ZNF30: variants seen among roughly 807,000 people sequenced by gnomAD.
ZNF30 encodes the protein zinc finger protein 30.
ZNF30 carries 15 observed loss-of-function variants against 13.2 expected under a neutral mutation model. The ratio of observed to expected loss-of-function variants is 1.13; its 90% CI spans 0.76 to 1.75. The LOEUF (loss-of-function observed/expected upper bound fraction) is 1.75, where lower values mean the gene tolerates loss of function less well. Ranked by LOEUF, ZNF30 falls within the 40% of genes most tolerant of loss-of-function variation. The pLI is 0.00. For synonymous variants in ZNF30, 223 were observed against 256.6 expected (o/e 0.87, Z 1.25); for missense variants, 726 against 757.0 (o/e 0.96, Z 0.48).
chr19:34,934,381 A>G (rs1342455684), intron 4 of ZNF30, among the ~76,000 whole-genome samples: 2 of 152,044 alleles, frequency 1.3e-5, no homozygotes, highest in East Asian at 3.9e-4. Flanking sequence ...TTCCTGCCTC[A>G]GCCTCCTGAG....
At position 34,943,728 on chromosome 19, in the gene ZNF30, C is replaced by T. The variant is rs1468643134; in HGVS notation, c.762C>T (p.His254=). 4.3e-6 allele frequency: 7 copies of T among 1,613,634 alleles called. No individual in the cohort carries two copies. The highest frequency in any genetic ancestry group is 5.9e-6 in the Non-Finnish European group (7 of 1,179,796). The change falls in exon 5 of 5, where the codon CAC becomes CAT. Residue 254 remains histidine, a synonymous_variant. Coordinates refer to ENST00000601142, the MANE Select transcript of ZNF30 (RefSeq NM_194325.3). ...AGCTTACCCGGCATCAGAGTACTCA[C>T]ACTGGTGAAAAACCCTTTGGGTGTG... ...YGKLTRHQST[H]TGEKPFGCEE...
In ZNF30 at chr19:34,944,748, A is replaced by G. The variant is rs1568547519; in HGVS notation, c.1782A>G (p.Lys594=). 1 of 1,613,940 alleles carries G rather than the reference A, an allele frequency of 6.2e-7. No individual in the cohort carries two copies. ...TEHQRVHTGE[K]PFKCKKCGKT... Reference sequence around the variant, plus strand: ...ATCAGCGGGTACACACTGGTGAGAAACCCTTTAAATGCAAAAAATGTGGGA... The same window carrying G: ...ATCAGCGGGTACACACTGGTGAGAAGCCCTTTAAATGCAAAAAATGTGGGA... Residue 594 remains lysine, a synonymous_variant, in exon 5 of 5, where the codon AAA becomes AAG. Transcript: ENST00000601142.
chr19:34,930,567 C>T (rs1025762113), intron 2 of ZNF30, among the ~76,000 whole-genome samples: 1 of 152,126 alleles, frequency 6.6e-6, no homozygotes, highest in African/African-American at 2.4e-5. Flanking sequence ...AACTCAAGAA[C>T]AGCCAAATGG....
At chr19:34,936,151 A>G (rs2012727135) in intron 4 of ZNF30, among the ~76,000 whole-genome samples, 1 of 152,198 alleles carries the variant, frequency 6.6e-6, no homozygotes, top group African/African-American at 2.4e-5. Flanking sequence ...GTGGGGACAC[A>G]GCCAAACCCT....
intron 1 of ZNF30, 129 bp from the exon 2 acceptor site, chr19:34,929,755 T>C: frequency 1.9e-6 from 1 of 536,772 alleles, no homozygotes; most frequent in Non-Finnish European, 3.3e-6. Flanking sequence ...TGAATTCCAC[T>C]GTTCTCCAAA....
chr19:34,929,829 A>T, intron 1 of ZNF30, 55 bp from the exon 2 acceptor site: 1 of 897,896 alleles, frequency 1.1e-6, no homozygotes, highest in Non-Finnish European at 1.7e-6. Context: ...AAGGTTTATT[A>T]ATGTATGTCA....
At chr19:34,938,066 G>A (rs2012836775) in intron 4 of ZNF30, among the ~76,000 whole-genome samples, 1 of 152,110 alleles carries the variant, frequency 6.6e-6, no homozygotes, top group South Asian at 2.1e-4. Context: ...AAAGTGCTGG[G>A]ATTACAGGTG....
At chr19:34,928,732 C>G (rs2012268165) in intron 1 of ZNF30, among the ~76,000 whole-genome samples, 1 of 152,016 alleles carries the variant, frequency 6.6e-6, no homozygotes, top group Non-Finnish European at 1.5e-5. Context: ...ACTTGGGAGG[C>G]TCCCAGGAGG....
chr19:34,925,089 C>G (rs1250738822), upstream of ZNF30, among the ~76,000 whole-genome samples: 2 of 152,152 alleles, frequency 1.3e-5, no homozygotes, highest in South Asian at 4.1e-4. Flanking sequence ...GCTGCTCAAA[C>G]CTCCAGGGGA....
intron 1 of ZNF30, among the ~76,000 whole-genome samples, chr19:34,928,531 T>A (rs1056211008): frequency 1.2e-4 from 18 of 152,074 alleles, no homozygotes; most frequent in African/African-American, 3.9e-4. Context: ...TATTAGTTAT[T>A]GCTATTACTC....
upstream of ZNF30, among the ~76,000 whole-genome samples, chr19:34,926,569 T>A (rs62122080): frequency 2.7e-3 from 414 of 152,362 alleles, 5 homozygotes; most frequent in Non-Finnish European, 2.6e-3. Context: ...CTATTAATCC[T>A]ATTAATATTC....
chr19:34,939,532 T>A (rs1402643502), intron 4 of ZNF30, among the ~76,000 whole-genome samples: 2 of 152,126 alleles, frequency 1.3e-5, no homozygotes, highest in African/African-American at 4.8e-5. Flanking sequence ...CAGGCTGGTC[T>A]CAAATTCCTG....
In ZNF30 at chr19:34,944,769, T is replaced by C. The variant is rs761677215; in HGVS notation, c.1803T>C (p.Cys601=). Residue 601 remains cysteine, a synonymous_variant, in exon 5 of 5, where the codon TGT becomes TGC. Coordinates refer to ENST00000601142, the MANE Select transcript of ZNF30 (RefSeq NM_194325.3). Reference sequence around the variant, plus strand: ...AGAAACCCTTTAAATGCAAAAAATGTGGGAAGACCTTTAGATACAGTTCAG... The same window carrying C: ...AGAAACCCTTTAAATGCAAAAAATGCGGGAAGACCTTTAGATACAGTTCAG... ...TGEKPFKCKK[C]GKTFRYSSAL... is the part of the protein sequence containing the mutation. The C allele has an allele frequency of 6.8e-6, 11 of 1,613,744 alleles. 1 individual carries two copies. The African/African-American group carries it at 1.5e-4, about 22-fold the overall frequency.
chr19:34,933,069 C>T (rs949416710), intron 3 of ZNF30, among the ~76,000 whole-genome samples: 1 of 146,854 alleles, frequency 6.8e-6, no homozygotes, highest in African/African-American at 2.5e-5. Context: ...CATGAGCCAC[C>T]GGGCCTGGTT....
At position 34,943,227 on chromosome 19, in the gene ZNF30, G is replaced by A. The variant is rs536312580; in HGVS notation, c.261G>A (p.Leu87=). Residue 87 remains leucine (L), a synonymous_variant, in exon 5 of 5, where the codon TTG becomes TTA. Coordinates refer to ENST00000601142, the MANE Select transcript of ZNF30 (RefSeq NM_194325.3). ...RKDGRRWCTD[L]QLEDDTIGCK... ...ATTTTTAAAATTTTCTTTCAGATTTGCAGTTGGAAGATGATACAATCGGCT... is the reference window on the plus strand; with the variant it reads ...ATTTTTAAAATTTTCTTTCAGATTTACAGTTGGAAGATGATACAATCGGCT... 5 of 1,489,080 alleles carry A rather than the reference G, an allele frequency of 3.4e-6. No homozygotes were observed. The highest frequency in any genetic ancestry group is 1.4e-5 in the African/African-American group (1 of 70,458). The allele number at this position is 1,489,080 out of a possible 1,614,324, so 92.2% of individuals were successfully genotyped here.
At chr19:34,929,796 G>C (rs2012339444) in intron 1 of ZNF30, 88 bp from the exon 2 acceptor site, 2 of 697,398 alleles carry the variant, frequency 2.9e-6, no homozygotes, top group South Asian at 4.7e-5. Flanking sequence ...AGCACAGTTT[G>C]GAAGCTGAAA....
chr19:34,940,182 G>C (rs953240136), intron 4 of ZNF30, among the ~76,000 whole-genome samples: 2 of 152,068 alleles, frequency 1.3e-5, no homozygotes, highest in Admixed American at 6.6e-5. Flanking sequence ...AGGTATGCTG[G>C]TCTCAGTTTT....
intron 4 of ZNF30, among the ~76,000 whole-genome samples, chr19:34,941,155 A>G (rs765906659): frequency 1.1e-4 from 17 of 152,192 alleles, no homozygotes; most frequent in Admixed American, 2.0e-4. Context: ...CGGGATTACA[A>G]TGCTAATATG....
At chr19:34,935,421 G>C (rs1370292486) in intron 4 of ZNF30, among the ~76,000 whole-genome samples, 1 of 151,946 alleles carries the variant, frequency 6.6e-6, no homozygotes, top group African/African-American at 2.4e-5. Flanking sequence ...CTCCCTCCCT[G>C]ATTAATCACC....
Sources: gnomAD v4.1 joint callset for allele counts (sites outside exome capture counted in the v4.1 genomes callset) on GRCh38, gnomAD v4.1.1 for gene constraint, MANE v1.5 for transcripts, NCBI Gene and HGNC (gene_info 2026-07-23, HGNC 2026-07-21) for gene names.